Variants in EPDR1 observed in about 807,000 individuals in gnomAD.
EPDR1 encodes the protein mammalian ependymin-related protein 1.
In EPDR1, 27 loss-of-function variants were observed where a neutral mutation model predicts 23.7. The observed-to-expected ratio is 1.14, with a 90% CI of 0.84 to 1.57. The LOEUF (loss-of-function observed/expected upper bound fraction) is 1.57. Ranked by LOEUF, EPDR1 falls within the 40% of genes most tolerant of loss-of-function variation. EPDR1 has a pLI of 0.00. For synonymous variants in EPDR1, 137 were observed against 118.2 expected, an observed-to-expected ratio of 1.16 and a Z score of -1.03; for missense variants, 349 against 290.4, an observed-to-expected ratio of 1.20 and a Z score of -1.47.
At chr7:37,926,788 C>T (rs965856216) in intron 1 of EPDR1, 5 of 425,058 alleles carry the variant, frequency 1.2e-5, no homozygotes, top group East Asian at 7.2e-5. Flanking sequence ...TGAAATGATA[C>T]ATTTTTTCTT....
At position 37,941,008 on chromosome 7, in the gene EPDR1, C is replaced by T. The variant is rs561550447; in HGVS notation, c.270-7832C>T. On this transcript the variant is annotated intron_variant, in intron 1 of 2. Transcript: ENST00000199448. ...TGTGCCACCTTGTGTCGTAGAACAT[C>T]GGGAAGCACTCAGAGACTAATAGGA... Among the ~76,000 whole-genome samples, 3 of 152,104 alleles carry T rather than the reference C, an allele frequency of 2.0e-5. No homozygotes were observed. The South Asian group carries it at 6.2e-4, about 32-fold the overall frequency.
Position 37,921,023 on chromosome 7 carries a change from C to A in EPDR1, c.84C>A (p.Cys28Ter). Residue 28 changes from cysteine to a stop codon, truncating the protein, a stop_gained, in exon 1 of 3, where the codon TGC becomes TGA. Coordinates refer to ENST00000199448, the MANE Select transcript of EPDR1 (RefSeq NM_017549.5). LOFTEE classifies it high-confidence loss of function. Reference protein sequence around the residue: ...LLGGLWAWTLCGLCSLGAVGA... With the variant: ...LLGGLWAWTL Reference sequence around the variant, plus strand: ...GCGGCCTCTGGGCCTGGACCCTGTGCGGCCTGTGCAGCCTGGGGGCGGTGG... The same window carrying A: ...GCGGCCTCTGGGCCTGGACCCTGTGAGGCCTGTGCAGCCTGGGGGCGGTGG... 1.3e-6 allele frequency: 2 copies of A among 1,522,566 alleles called. No homozygotes were observed. The highest frequency in any genetic ancestry group is 1.8e-6 in the Non-Finnish European group (2 of 1,139,884). The allele number at this position is 1,522,566 out of a possible 1,614,324, so 94.3% of individuals were successfully genotyped here. A position where few individuals can be genotyped will look rare whatever the true frequency, so the allele number is the denominator to read the frequency against.
chr7:37,921,201 T>G lies in EPDR1; in HGVS notation c.262T>G (p.Cys88Gly), dbSNP rs1373560618. The change falls in exon 1 of 3, where the codon TGC (cysteine) becomes GGC (glycine). Residue 88 changes from cysteine (C) to glycine (G), a missense_variant. Cys to Gly is a radical substitution (Grantham distance 159, BLOSUM62 -3). Transcript: ENST00000199448. ...GGACGAGAGGAAGGCGCTGATCCCC[T>G]GCAAGAGGTACAGGTCATCGGCCCG... ...VLDERKALIPCKRLFEYILLY... is the reference protein window; with the variant it reads ...VLDERKALIPGKRLFEYILLY... 7 of 1,588,160 alleles carry G rather than the reference T, an allele frequency of 4.4e-6. No homozygotes were observed. Among genetic ancestry groups the G allele is most frequent in the East Asian group, 2.3e-5 (1 of 43,576 alleles).
At chr7:37,946,320 A>G (rs1175441112) in intron 1 of EPDR1, among the ~76,000 whole-genome samples, 1 of 152,146 alleles carries the variant, frequency 6.6e-6, no homozygotes, top group Non-Finnish European at 1.5e-5. Context: ...GTCTTCCACA[A>G]TGGTTGAACT....
chr7:37,945,160 TAGGCTCTATTGTGTCAG>T (rs1169969190), intron 1 of EPDR1, among the ~76,000 whole-genome samples: 2 of 152,218 alleles, frequency 1.3e-5, no homozygotes, highest in African/African-American at 4.8e-5. Flanking sequence ...AATCAGTGCT[TAGGCTCTATTGTGTCAG>T]AGATTTAGCT....
chr7:37,948,390 A>T (rs114988553), intron 1 of EPDR1, among the ~76,000 whole-genome samples: 1 of 146,508 alleles, frequency 6.8e-6, no homozygotes, highest in South Asian at 2.2e-4. Flanking sequence ...CCCAGGCTGT[A>T]TGTAGTGCGG....
chr7:37,933,976 CTTT>C (rs576903776), intron 1 of EPDR1, among the ~76,000 whole-genome samples: 13 of 133,322 alleles, frequency 9.8e-5, no homozygotes, highest in Non-Finnish European at 8.0e-5. Flanking sequence ...TTCTGCCATT[CTTT>C]TTTTTTTTTT....
At chr7:37,935,480 A>G (rs1786029718) in intron 1 of EPDR1, among the ~76,000 whole-genome samples, 1 of 152,170 alleles carries the variant, frequency 6.6e-6, no homozygotes, top group South Asian at 2.1e-4. Flanking sequence ...TTTTATATCT[A>G]TTATCTCAAA....
At chr7:37,944,425 C>G (rs1055302478) in intron 1 of EPDR1, among the ~76,000 whole-genome samples, 1 of 152,132 alleles carries the variant, frequency 6.6e-6, no homozygotes, top group Non-Finnish European at 1.5e-5. Flanking sequence ...AAATATGAGG[C>G]TAGAATGACA....
At chr7:37,923,912 A>G (rs1197232640) in intron 1 of EPDR1, among the ~76,000 whole-genome samples, 1 of 152,220 alleles carries the variant, frequency 6.6e-6, no homozygotes, top group African/African-American at 2.4e-5. Flanking sequence ...TGCTCTGTTC[A>G]TGGCCAAGGT....
At chr7:37,924,199 T>C (rs1369431948) in intron 1 of EPDR1, among the ~76,000 whole-genome samples, 3 of 152,242 alleles carry the variant, frequency 2.0e-5, no homozygotes, top group Non-Finnish European at 4.4e-5. Flanking sequence ...ATCAGGCAGT[T>C]GTGAGCAAAG....
intron 1 of EPDR1, among the ~76,000 whole-genome samples, chr7:37,939,212 C>A (rs1786119110): frequency 1.3e-5 from 2 of 152,066 alleles, no homozygotes; most frequent in East Asian, 3.9e-4. Context: ...ATCTCCTGAC[C>A]TCATGATCTG....
intron 1 of EPDR1, among the ~76,000 whole-genome samples, chr7:37,944,230 G>C (rs185149561): frequency 4.3e-4 from 66 of 152,310 alleles, no homozygotes; most frequent in Admixed American, 2.0e-3. Context: ...GCTTCTCTCT[G>C]CTTCATTCTT....
At position 37,938,341 on chromosome 7, in the gene EPDR1, A is replaced by C. The variant is rs184442681; in HGVS notation, c.270-10499A>C. On this transcript the variant is annotated intron_variant, in intron 1 of 2. Coordinates refer to ENST00000199448, the MANE Select transcript of EPDR1 (RefSeq NM_017549.5). Reference sequence around the variant, plus strand: ...AACAAAAAGAAGTCAGAGGGAGCCAAATCAGGACTGTCAAGTGGATGATTA... The same window carrying C: ...AACAAAAAGAAGTCAGAGGGAGCCACATCAGGACTGTCAAGTGGATGATTA... 1.6e-3 allele frequency among the ~76,000 whole-genome samples: 246 copies of C among 152,260 alleles called. 1 individual carries two copies. The highest frequency in any genetic ancestry group is 2.8e-3 in the Non-Finnish European group (192 of 68,020).
intron 1 of EPDR1, among the ~76,000 whole-genome samples, chr7:37,942,440 G>A (rs1383977115): frequency 2.0e-5 from 3 of 152,136 alleles, no homozygotes; most frequent in Non-Finnish European, 1.5e-5. Context: ...GTTGGGGAGA[G>A]GGAGGAATGG....
At chr7:37,942,474 G>A (rs1040645727) in intron 1 of EPDR1, among the ~76,000 whole-genome samples, 2 of 152,154 alleles carry the variant, frequency 1.3e-5, no homozygotes, top group African/African-American at 4.8e-5. Context: ...AATGGATATA[G>A]AGTTTCAATT....
chr7:37,940,315 G>A (rs558972405), intron 1 of EPDR1, among the ~76,000 whole-genome samples: 1 of 152,142 alleles, frequency 6.6e-6, no homozygotes, highest in African/African-American at 2.4e-5. Flanking sequence ...AGAGGAGATA[G>A]GGATGGAAGG....
chr7:37,946,584 G>A (rs904538763), intron 1 of EPDR1, among the ~76,000 whole-genome samples: 1 of 152,116 alleles, frequency 6.6e-6, no homozygotes, highest in Non-Finnish European at 1.5e-5. Context: ...TACATAAAAG[G>A]TAACTGTGAA....
In EPDR1 at chr7:37,950,335, C is replaced by T. The variant is rs1217320736; in HGVS notation, c.614C>T (p.Thr205Ile). Residue 205 changes from threonine (T) to isoleucine (I), a missense_variant, in exon 3 of 3, where the codon ACC (threonine) becomes ATC (isoleucine). Coordinates refer to ENST00000199448, the MANE Select transcript of EPDR1 (RefSeq NM_017549.5). ...GGTATTAAAGACCCCTCGGTGTTTA[C>T]CCCTCCAAGCACGTGCCAGATGGCC... ...QLGIKDPSVF[T>I]PPSTCQMAQL... The T allele has an allele frequency of 3.7e-6, 6 of 1,613,864 alleles. No homozygotes were observed. Among genetic ancestry groups the T allele is most frequent in the South Asian group, 1.1e-5 (1 of 90,996 alleles).
Sources: allele counts gnomAD v4.1 joint callset (sites outside exome capture counted in the v4.1 genomes callset), GRCh38; gene constraint gnomAD v4.1.1; transcripts MANE v1.5; gene names NCBI Gene and HGNC (gene_info 2026-07-23, HGNC 2026-07-21).